Variants in PACSIN2 observed in about 807,000 individuals in gnomAD.
PACSIN2 encodes the protein protein kinase C and casein kinase substrate in neurons protein 2.
Under a neutral mutation model 63.8 loss-of-function variants are expected in PACSIN2, and 25 were observed. That is an observed-to-expected ratio of 0.39 (90% CI 0.29 to 0.55). The LOEUF (loss-of-function observed/expected upper bound fraction) is 0.55. Ranked by LOEUF, PACSIN2 falls within the 20% of genes least tolerant of loss-of-function variation. PACSIN2 has a pLI of 0.62. For missense variants in PACSIN2, 518 were observed against 646.9 expected (o/e 0.80, Z 2.16); for synonymous variants, 255 against 256.2 (o/e 1.00, Z 0.05).
At chr22:42,954,755 G>A (rs1167528213) in intron 1 of PACSIN2, among the ~76,000 whole-genome samples, 1 of 152,146 alleles carries the variant, frequency 6.6e-6, no homozygotes, top group Non-Finnish European at 1.5e-5. Context: ...ATATCCAAGA[G>A]GAAAAACAGA....
At chr22:42,970,365 A>C (rs1390438670) in intron 1 of PACSIN2, among the ~76,000 whole-genome samples, 6 of 152,234 alleles carry the variant, frequency 3.9e-5, no homozygotes, top group African/African-American at 1.4e-4. Context: ...AAGGACCTGG[A>C]TGGGATCCTA....
chr22:42,931,532 A>C (rs1932777256), intron 1 of PACSIN2, among the ~76,000 whole-genome samples: 1 of 152,210 alleles, frequency 6.6e-6, no homozygotes, highest in African/African-American at 2.4e-5. Context: ...GTCAGCGTCA[A>C]TGGAACCAGC....
intron 1 of PACSIN2, among the ~76,000 whole-genome samples, chr22:42,935,636 T>C (rs1932895143): frequency 6.6e-6 from 1 of 152,188 alleles, no homozygotes; most frequent in Non-Finnish European, 1.5e-5. Flanking sequence ...TCAATTTGGC[T>C]TGTTACCAAA....
chr22:42,982,666 T>C (rs1307498642), intron 1 of PACSIN2, among the ~76,000 whole-genome samples: 1 of 132,088 alleles, frequency 7.6e-6, no homozygotes, highest in East Asian at 2.2e-4. Flanking sequence ...AACAGATGCT[T>C]GAAGGCAGCA....
chr22:42,976,724 C>T (rs1921729518), intron 1 of PACSIN2, among the ~76,000 whole-genome samples: 1 of 152,210 alleles, frequency 6.6e-6, no homozygotes, highest in Admixed American at 6.5e-5. Context: ...ACTTATTATG[C>T]ACCAAACCCA....
intron 1 of PACSIN2, among the ~76,000 whole-genome samples, chr22:42,969,291 C>A (rs888492285): frequency 5.9e-5 from 9 of 152,186 alleles, no homozygotes; most frequent in African/African-American, 2.2e-4. Context: ...CATGACATTA[C>A]ATGGTAAACT....
chr22:43,001,987 G>A (rs1241497465), intron 1 of PACSIN2, among the ~76,000 whole-genome samples: 2 of 152,162 alleles, frequency 1.3e-5, no homozygotes, highest in African/African-American at 4.8e-5. Flanking sequence ...ATACCTAAGG[G>A]ACAGTGGAGG....
intron 5 of PACSIN2, 87 bp downstream of exon 5, chr22:42,888,556 C>G: frequency 1.5e-6 from 2 of 1,334,528 alleles, no homozygotes; most frequent in Admixed American, 3.5e-5. Flanking sequence ...CACCCATTCA[C>G]CCAAGCAGTT....
chr22:42,947,490 AG>A, intron 1 of PACSIN2, among the ~76,000 whole-genome samples: 1 of 152,216 alleles, frequency 6.6e-6, no homozygotes, highest in East Asian at 1.9e-4. Context: ...GCCGTTTCAG[AG>A]GCTCTTCCCT....
chr22:43,011,586 C>T (rs910081260), intron 1 of PACSIN2, among the ~76,000 whole-genome samples: 2 of 152,222 alleles, frequency 1.3e-5, no homozygotes, highest in Non-Finnish European at 2.9e-5. Context: ...GCCCTTAACA[C>T]AGCACAGACT....
intron 1 of PACSIN2, among the ~76,000 whole-genome samples, chr22:42,947,417 C>T (rs1219292733): frequency 6.6e-6 from 1 of 152,156 alleles, no homozygotes; most frequent in Non-Finnish European, 1.5e-5. Context: ...TCCTGTCACA[C>T]AAAGGGCCTC....
At chr22:42,974,983 A>G (rs1395973584) in intron 1 of PACSIN2, among the ~76,000 whole-genome samples, 1 of 152,052 alleles carries the variant, frequency 6.6e-6, no homozygotes, top group Non-Finnish European at 1.5e-5. Context: ...CTTTGAGTAG[A>G]CTGTGCCAGG....
At chr22:43,010,400 T>TATATATA (rs1569377806) in intron 1 of PACSIN2, among the ~76,000 whole-genome samples, 9 of 44,032 alleles carry the variant, frequency 2.0e-4, no homozygotes, top group African/African-American at 8.3e-4. Context: ...ATATATATAT[T>TATATATA]TTTTTTTAAT....
At chr22:42,955,631 C>T (rs182998175) in intron 1 of PACSIN2, among the ~76,000 whole-genome samples, 42 of 152,320 alleles carry the variant, frequency 2.8e-4, no homozygotes, top group East Asian at 1.2e-3. Flanking sequence ...TTAATGTCTT[C>T]GAGTTCAATG....
In PACSIN2 at chr22:42,881,148, T is replaced by C. The variant is rs140818308; in HGVS notation, c.906+1036A>G. On this transcript the variant is annotated intron_variant, in intron 7 of 10. Transcript: ENST00000263246. ...CTCGGCAGCAGGGCCCACACTGTCA[T>C]TTGGAAAAACCTTCCTGTTAAGGGC... Among the ~76,000 whole-genome samples, 28 of 152,182 alleles carry C rather than the reference T, an allele frequency of 1.8e-4. No homozygotes were observed. In the East Asian group the frequency reaches 4.1e-3, roughly 22 times the overall value.
chr22:42,949,382 C>T (rs1367033520), intron 1 of PACSIN2, among the ~76,000 whole-genome samples: 1 of 152,136 alleles, frequency 6.6e-6, no homozygotes, highest in African/African-American at 2.4e-5. Flanking sequence ...GACTTACACA[C>T]CCATTCTCAG....
intron 2 of PACSIN2, among the ~76,000 whole-genome samples, chr22:42,907,427 T>G (rs1180881996): frequency 6.6e-6 from 1 of 152,214 alleles, no homozygotes; most frequent in Non-Finnish European, 1.5e-5. Context: ...ATGGTAATTT[T>G]TAGAAACTTT....
chr22:42,907,625 G>A (rs1256649428), intron 2 of PACSIN2, among the ~76,000 whole-genome samples: 1 of 152,260 alleles, frequency 6.6e-6, no homozygotes, highest in Non-Finnish European at 1.5e-5. Context: ...AGGCGGCTGG[G>A]CAGCAGACAG....
intron 1 of PACSIN2, among the ~76,000 whole-genome samples, chr22:42,927,568 T>TTTATTTAG (rs1013565083): frequency 1.3e-5 from 2 of 150,182 alleles, no homozygotes; most frequent in East Asian, 2.0e-4. Flanking sequence ...TATTTATTTA[T>TTTATTTAG]TTATTTAGTT....
Sources: gnomAD v4.1 joint callset for allele counts (sites outside exome capture counted in the v4.1 genomes callset) on GRCh38, gnomAD v4.1.1 for gene constraint, MANE v1.5 for transcripts, NCBI Gene and HGNC (gene_info 2026-07-23, HGNC 2026-07-21) for gene names.